LRRC75A: variants seen among roughly 807,000 people sequenced by gnomAD.
The protein encoded by LRRC75A is leucine-rich repeat-containing protein 75A.
LRRC75A carries 12 observed loss-of-function variants against 26.0 expected under a neutral mutation model. The observed-to-expected ratio is 0.46, with a 90% CI of 0.30 to 0.75. LRRC75A has a LOEUF of 0.75. LRRC75A is among the 30% of genes least tolerant of loss of function. The pLI, the probability that LRRC75A is intolerant of heterozygous loss-of-function variation, is 0.08. For synonymous variants in LRRC75A, 223 were observed against 219.3 expected, an observed-to-expected ratio of 1.02 and a Z score of -0.15; for missense variants, 410 against 486.6, an observed-to-expected ratio of 0.84 and a Z score of 1.48.
At position 16,456,194 on chromosome 17, in the gene LRRC75A, G is replaced by A. The variant is rs2093678631; in HGVS notation, c.375+6064C>T. Among the ~76,000 whole-genome samples, 3 of 96,496 alleles carry A rather than the reference G, an allele frequency of 3.1e-5. 1 individual carries two copies. Among genetic ancestry groups the A allele is most frequent in the African/African-American group, 4.4e-5 (1 of 22,676 alleles). The allele number at this position is 96,496 out of a possible 152,430, so 63.3% of individuals were successfully genotyped here. On this transcript the variant is annotated intron_variant, in intron 2 of 3. Transcript: ENST00000470794. ...GGGGTAGGAGGAGGAAGAGGAGGAA[G>A]GAGGAGGAAGAGGAGGAGGAAGAGG...
chr17:16,448,989 T>C (rs976348451), intron 2 of LRRC75A, among the ~76,000 whole-genome samples: 1 of 152,092 alleles, frequency 6.6e-6, no homozygotes, highest in African/African-American at 2.4e-5. Flanking sequence ...AATCCAACAG[T>C]CCCCGGAGCC....
chr17:16,446,349 C>A (rs1168702855), intron 3 of LRRC75A, among the ~76,000 whole-genome samples: 1 of 152,210 alleles, frequency 6.6e-6, no homozygotes, highest in Middle Eastern at 3.2e-3. Flanking sequence ...AAACAAAACC[C>A]TGAGTGTGGG....
Position 16,462,339 on chromosome 17 carries a change from G to A in LRRC75A, c.294C>T (p.Tyr98=), listed in dbSNP as rs763709557. The A allele has an allele frequency of 2.4e-5, 38 of 1,614,198 alleles. No individual in the cohort carries two copies. Among genetic ancestry groups the A allele is most frequent in the Middle Eastern group, 1.6e-4 (1 of 6,062 alleles). ...GGTCCACCAGGTTCCGGAAGCTGGCGTAGCGATACAGAACGTCGTCTAGCG... is the reference window on the plus strand; with the variant it reads ...GGTCCACCAGGTTCCGGAAGCTGGCATAGCGATACAGAACGTCGTCTAGCG... ...STSLDDVLYR[Y]ASFRNLVDPI... The change falls in exon 2 of 4, where the codon TAC becomes TAT. Residue 98 remains tyrosine (Y), a synonymous_variant. Transcript: ENST00000470794. This position sits in a 1 kb window ranked among gnomAD's most constrained non-coding sequence, Gnocchi z 4.6.
chr17:16,462,480 G>C lies in LRRC75A; in HGVS notation c.247-94C>G. 6.5e-7 allele frequency: 1 copy of C among 1,528,174 alleles called. No homozygotes were observed. Among genetic ancestry groups the C allele is most frequent in the Admixed American group, 1.9e-5 (1 of 54,032 alleles). The allele number at this position is 1,528,174 out of a possible 1,614,324, so 94.7% of individuals were successfully genotyped here. A position where few individuals can be genotyped will look rare whatever the true frequency, so the allele number is the denominator to read the frequency against. On this transcript the variant is annotated intron_variant, in intron 1 of 3. Coordinates refer to ENST00000470794, the MANE Select transcript of LRRC75A (RefSeq NM_001113567.3). The surrounding 1 kb of genome is among the most constrained non-coding windows in gnomAD (Gnocchi z 4.6). The stretch of plus-strand genomic sequence containing the variant: ...GAAGTAGGCACAGACCCCTAGAGGC[G>C]ACTCTGCCTCCCAGAGCCCCGGTGG...
At chr17:16,452,114 G>C (rs1401819150) in intron 2 of LRRC75A, among the ~76,000 whole-genome samples, 1 of 149,990 alleles carries the variant, frequency 6.7e-6, no homozygotes, top group Non-Finnish European at 1.5e-5. Flanking sequence ...CACTTTGGGA[G>C]GCTGAGGCAG....
intron 1 of LRRC75A, among the ~76,000 whole-genome samples, chr17:16,484,061 G>A (rs1372104836): frequency 2.6e-5 from 4 of 152,088 alleles, no homozygotes; most frequent in Non-Finnish European, 5.9e-5. Context: ...AATGAGGCCG[G>A]GTACAGTGGC....
chr17:16,469,414 C>T lies in LRRC75A; in HGVS notation c.247-7028G>A, dbSNP rs1049301632. ...CGTGCTGTAGATCATTTTCAGAGGT[C>T]GGGGTTCAGGTTCCAGGGTATCTAT... On this transcript the variant is annotated intron_variant, in intron 1 of 3. Transcript: ENST00000470794. Among the ~76,000 whole-genome samples the T allele has an allele frequency of 5.1e-4, 77 of 152,098 alleles. 2 individuals are homozygous for T. The highest frequency in any genetic ancestry group is 4.7e-3 in the Admixed American group (71 of 15,268).
At chr17:16,477,886 C>T (rs1280649511) in intron 1 of LRRC75A, among the ~76,000 whole-genome samples, 2 of 152,074 alleles carry the variant, frequency 1.3e-5, no homozygotes, top group African/African-American at 4.8e-5. Context: ...TCAGTGGTCA[C>T]TGAGTTTGTC....
intron 1 of LRRC75A, among the ~76,000 whole-genome samples, chr17:16,482,696 G>C (rs1484840088): frequency 6.6e-6 from 1 of 152,228 alleles, no homozygotes; most frequent in Non-Finnish European, 1.5e-5. Flanking sequence ...GGGCAGAGCT[G>C]GAATCTGACC....
chr17:16,454,022 A>G (rs188363929), intron 2 of LRRC75A, among the ~76,000 whole-genome samples: 11 of 152,278 alleles, frequency 7.2e-5, no homozygotes, highest in Non-Finnish European at 1.6e-4. Flanking sequence ...CCCTCGGCCT[A>G]TCACCATTAG....
chr17:16,443,666 C>T lies in LRRC75A; in HGVS notation c.957G>A (p.Glu319=). 2 of 1,581,314 alleles carry T rather than the reference C, an allele frequency of 1.3e-6. No homozygotes were observed. Among genetic ancestry groups the T allele is most frequent in the Non-Finnish European group, 1.7e-6 (2 of 1,163,544 alleles). The change falls in exon 4 of 4, where the codon GAG becomes GAA. Residue 319 remains glutamate (E), a synonymous_variant. Coordinates refer to ENST00000470794, the MANE Select transcript of LRRC75A (RefSeq NM_001113567.3). ...EEVREGTVGQ[E]DPGGGPVAPA... is the part of the protein sequence containing the mutation. ...GTGCCACAGGGCCCCCTCCAGGGTCCTCCTGGCCTACTGTCCCTTCCCGGA... is the reference window on the plus strand; with the variant it reads ...GTGCCACAGGGCCCCCTCCAGGGTCTTCCTGGCCTACTGTCCCTTCCCGGA...
At chr17:16,444,942 G>A (rs1400660697) in intron 3 of LRRC75A, among the ~76,000 whole-genome samples, 19 of 149,406 alleles carry the variant, frequency 1.3e-4, no homozygotes, top group African/African-American at 3.7e-4. Context: ...TCTGCCTCCC[G>A]GGCTCAAGTG....
At chr17:16,463,430 G>A (rs1298621475) in intron 1 of LRRC75A, 1 of 152,296 alleles carries the variant, frequency 6.6e-6, no homozygotes, top group Non-Finnish European at 1.5e-5. Context: ...ACCAGGCAAT[G>A]CTGACATTCC....
chr17:16,490,281 T>C (rs1157481084), intron 1 of LRRC75A, among the ~76,000 whole-genome samples: 1 of 152,172 alleles, frequency 6.6e-6, no homozygotes, highest in African/African-American at 2.4e-5. Flanking sequence ...GTAAATAGGA[T>C]ACCATGGTCT....
chr17:16,445,320 C>A (rs2093574887), intron 3 of LRRC75A, among the ~76,000 whole-genome samples: 2 of 152,126 alleles, frequency 1.3e-5, no homozygotes, highest in East Asian at 1.9e-4. Flanking sequence ...TGTGTGCCCC[C>A]ACGCCTGGCT....
chr17:16,475,213 C>T (rs185964198), intron 1 of LRRC75A, among the ~76,000 whole-genome samples: 9 of 152,002 alleles, frequency 5.9e-5, no homozygotes, highest in Admixed American at 2.6e-4. Flanking sequence ...AGGGATGGGG[C>T]GCTCCAGAGC....
At chr17:16,466,237 G>A (rs1451125502) in intron 1 of LRRC75A, among the ~76,000 whole-genome samples, 2 of 152,194 alleles carry the variant, frequency 1.3e-5, no homozygotes, top group Non-Finnish European at 2.9e-5. Flanking sequence ...TGAGGGAGGA[G>A]AGGTCACCAG....
At chr17:16,444,182 C>T in intron 3 of LRRC75A, 51 bp from the exon 4 acceptor site, 2 of 1,440,580 alleles carry the variant, frequency 1.4e-6, no homozygotes, top group Non-Finnish European at 1.9e-6. Flanking sequence ...CAGGCCTTTC[C>T]CCCAGAAGCT....
chr17:16,471,564 C>T (rs2143337766), intron 1 of LRRC75A, among the ~76,000 whole-genome samples: 1 of 152,306 alleles, frequency 6.6e-6, no homozygotes, highest in African/African-American at 2.4e-5. Flanking sequence ...ACGTTATTGC[C>T]AGAAATCAAC....
Sources: allele counts gnomAD v4.1 joint callset (sites outside exome capture counted in the v4.1 genomes callset), GRCh38; gene constraint gnomAD v4.1.1; non-coding constraint Gnocchi (gnomAD v3.1); transcripts MANE v1.5; gene names NCBI Gene and HGNC (gene_info 2026-07-23, HGNC 2026-07-21).